The following PDGFD variants were observed in gnomAD, a reference collection of about 807,000 sequenced individuals.
The protein encoded by PDGFD is platelet-derived growth factor D.
A neutral mutation model predicts 44.7 loss-of-function variants in PDGFD; 30 were observed. That is an observed-to-expected ratio of 0.67 (90% CI 0.50 to 0.91). The LOEUF (loss-of-function observed/expected upper bound fraction) is 0.91. Ranked by LOEUF, PDGFD falls within the 40% of genes least tolerant of loss-of-function variation. The pLI is 0.00. For synonymous variants in PDGFD, 173 were observed against 168.4 expected, an observed-to-expected ratio of 1.03 and a Z score of -0.21; for missense variants, 445 against 457.8, an observed-to-expected ratio of 0.97 and a Z score of 0.25.
intron 1 of PDGFD, among the ~76,000 whole-genome samples, chr11:104,063,364 TAAAC>T (rs773367533): frequency 1.3e-3 from 192 of 151,354 alleles, no homozygotes; most frequent in Non-Finnish European, 2.3e-3. Context: ...TTTACTTTGA[TAAAC>T]AAGCAGAAGA....
At chr11:104,028,160 A>G (rs1201633479) in intron 1 of PDGFD, among the ~76,000 whole-genome samples, 3 of 148,076 alleles carry the variant, frequency 2.0e-5, no homozygotes, top group Non-Finnish European at 4.5e-5. Context: ...ACTGCACTCC[A>G]GCCTGGGCAA....
intron 3 of PDGFD, among the ~76,000 whole-genome samples, chr11:103,980,340 T>C (rs1193324016): frequency 1.3e-5 from 2 of 152,106 alleles, no homozygotes; most frequent in Non-Finnish European, 2.9e-5. Flanking sequence ...AAGGCCTTTC[T>C]GTAGTAGTGA....
chr11:104,068,987 T>A (rs1432957613), intron 1 of PDGFD, among the ~76,000 whole-genome samples: 1 of 152,150 alleles, frequency 6.6e-6, no homozygotes, highest in Non-Finnish European at 1.5e-5. Context: ...GGAAATTGAT[T>A]ATGATAAAAT....
intron 1 of PDGFD, among the ~76,000 whole-genome samples, chr11:104,124,820 A>G (rs1861820545): frequency 6.6e-6 from 1 of 152,136 alleles, no homozygotes; most frequent in African/African-American, 2.4e-5. Context: ...AAGATTTAAG[A>G]TAAAGAAATT....
In PDGFD at chr11:104,065,187, C is replaced by T. The variant is rs1055084785; in HGVS notation, c.125-64932G>A. Among the ~76,000 whole-genome samples, 7 of 152,334 alleles carry T rather than the reference C, an allele frequency of 4.6e-5. No individual in the cohort carries two copies. The East Asian group carries it at 1.4e-3, about 29-fold the overall frequency. On this transcript the variant is annotated intron_variant, in intron 1 of 6. Transcript: ENST00000393158. The stretch of plus-strand genomic sequence containing the variant: ...TGGGACTCAGTCTGGCCTTGCTCCT[C>T]AGCTTCCAGACAGCCTATTGTAGGA...
chr11:104,095,388 AC>A (rs1440398751), intron 1 of PDGFD, among the ~76,000 whole-genome samples: 1 of 152,072 alleles, frequency 6.6e-6, no homozygotes, highest in African/African-American at 2.4e-5. Context: ...ATTATTGAAA[AC>A]CACTCATTCC....
At chr11:104,067,059 T>C (rs1241313154) in intron 1 of PDGFD, among the ~76,000 whole-genome samples, 1 of 152,214 alleles carries the variant, frequency 6.6e-6, no homozygotes, top group Non-Finnish European at 1.5e-5. Context: ...CACTTTGTCA[T>C]TCTTTTAGTT....
At chr11:104,035,282 T>A (rs1191129100) in intron 1 of PDGFD, among the ~76,000 whole-genome samples, 2 of 152,174 alleles carry the variant, frequency 1.3e-5, no homozygotes, top group Non-Finnish European at 1.5e-5. Context: ...ACATTCCACT[T>A]TTTTACACTC....
chr11:103,977,556 C>T (rs1382278677), intron 3 of PDGFD, among the ~76,000 whole-genome samples: 1 of 152,024 alleles, frequency 6.6e-6, no homozygotes, highest in Non-Finnish European at 1.5e-5. Context: ...AGCTAGATTC[C>T]TTGAATCCCC....
chr11:103,971,668 C>G (rs1041575086), intron 3 of PDGFD, among the ~76,000 whole-genome samples: 1 of 152,126 alleles, frequency 6.6e-6, no homozygotes, highest in Non-Finnish European at 1.5e-5. Flanking sequence ...AGATTTCAAA[C>G]GATTGCCACA....
At chr11:104,079,223 C>T (rs369892257) in intron 1 of PDGFD, among the ~76,000 whole-genome samples, 1 of 152,166 alleles carries the variant, frequency 6.6e-6, no homozygotes, top group East Asian at 1.9e-4. Flanking sequence ...GTATCTTAAT[C>T]ACCTCACCAC....
In PDGFD at chr11:103,996,179, T is replaced by C; in HGVS notation, c.396A>G (p.Gly132=). 1.2e-6 allele frequency: 2 copies of C among 1,613,510 alleles called. No individual in the cohort carries two copies. Among genetic ancestry groups the C allele is most frequent in the Non-Finnish European group, 1.7e-6 (2 of 1,179,570 alleles). Reference sequence around the variant, plus strand: ...TTATCCTTGGAGGAACTTCCTTGTGTCCACACCATCGTCCTCTAATAATGG... The same window carrying C: ...TTATCCTTGGAGGAACTTCCTTGTGCCCACACCATCGTCCTCTAATAATGG... ...TSTIIRGRWC[G]HKEVPPRIKS... is the part of the protein sequence containing the mutation. The change falls in exon 3 of 7, where the codon GGA becomes GGG. Residue 132 remains glycine (G), a synonymous_variant. Coordinates refer to ENST00000393158, the MANE Select transcript of PDGFD (RefSeq NM_025208.5).
chr11:104,155,844 G>C (rs936146178), intron 1 of PDGFD, among the ~76,000 whole-genome samples: 12 of 152,092 alleles, frequency 7.9e-5, no homozygotes, highest in African/African-American at 2.9e-4. Context: ...CTCAGATTGG[G>C]TCTGAAAAGA....
At chr11:104,129,082 C>A (rs361299) in intron 1 of PDGFD, among the ~76,000 whole-genome samples, 3,864 of 152,058 alleles carry the variant, frequency 0.025, 173 homozygotes, top group African/African-American at 0.088. Context: ...AAACTGGAAA[C>A]GCACATAGAA....
At chr11:104,006,165 G>A (rs937515851) in intron 1 of PDGFD, among the ~76,000 whole-genome samples, 6 of 152,078 alleles carry the variant, frequency 3.9e-5, no homozygotes, top group African/African-American at 7.3e-5. Flanking sequence ...GGTCCCCAGA[G>A]CATCATTATT....
intron 1 of PDGFD, among the ~76,000 whole-genome samples, chr11:104,042,783 A>G (rs1243673530): frequency 6.6e-6 from 1 of 152,222 alleles, no homozygotes; most frequent in Non-Finnish European, 1.5e-5. Context: ...TTCTTACCCT[A>G]CACCATCAAT....
chr11:103,946,623 C>T (rs560049121), intron 4 of PDGFD: 31 of 152,356 alleles, frequency 2.0e-4, no homozygotes, highest in African/African-American at 7.0e-4. Flanking sequence ...CCTGCTTAGC[C>T]TGAGCACCTC....
At chr11:104,036,912 C>T (rs747421644) in intron 1 of PDGFD, 56 of 1,614,102 alleles carry the variant, frequency 3.5e-5, no homozygotes, top group Non-Finnish European at 3.9e-5. Flanking sequence ...TCCGAAACTT[C>T]AAGGTCCTCT....
intron 5 of PDGFD, among the ~76,000 whole-genome samples, chr11:103,939,745 A>C (rs976290941): frequency 1.3e-5 from 2 of 152,120 alleles, no homozygotes; most frequent in African/African-American, 4.8e-5. Flanking sequence ...AAGTAAATGC[A>C]ATTTGAACTT....
Sources: allele counts gnomAD v4.1 joint callset (sites outside exome capture counted in the v4.1 genomes callset), GRCh38; gene constraint gnomAD v4.1.1; transcripts MANE v1.5; gene names NCBI Gene and HGNC (gene_info 2026-07-23, HGNC 2026-07-21).